SLC1A1: variants seen among roughly 807,000 people sequenced by gnomAD.
SLC1A1 encodes the protein solute carrier family 1 member 1, also known as excitatory amino acid transporter 3.
Under a neutral mutation model 53.3 loss-of-function variants are expected in SLC1A1, and 43 were observed. That is an observed-to-expected ratio of 0.81 (90% confidence interval 0.63 to 1.04). The LOEUF (loss-of-function observed/expected upper bound fraction) is 1.04. SLC1A1 is among the 50% of genes least tolerant of loss of function. The pLI, the probability that SLC1A1 is intolerant of heterozygous loss-of-function variation, is 0.00. For missense variants in SLC1A1, 748 were observed against 664.9 expected, an observed-to-expected ratio of 1.12 and a Z score of -1.37; for synonymous variants, 307 against 243.2, an observed-to-expected ratio of 1.26 and a Z score of -2.44.
intron 1 of SLC1A1, among the ~76,000 whole-genome samples, chr9:4,513,878 T>C (rs1821074545): frequency 1.3e-5 from 2 of 152,194 alleles, no homozygotes; most frequent in Admixed American, 1.3e-4. Context: ...AACATACCAT[T>C]GATACGTACA....
In SLC1A1 at chr9:4,490,666, T is replaced by C. The variant is rs747862122; in HGVS notation, c.-14T>C. On this transcript the variant is annotated 5_prime_UTR_variant, in exon 1 of 12. Coordinates refer to ENST00000262352, the MANE Select transcript of SLC1A1 (RefSeq NM_004170.6). ...GCGCACGGCCGAGCCCAGCGCACAATAGCGGCGACAGCCATGGGGAAACCG... is the reference window on the plus strand; with the variant it reads ...GCGCACGGCCGAGCCCAGCGCACAACAGCGGCGACAGCCATGGGGAAACCG... The C allele has an allele frequency of 2.5e-5, 41 of 1,610,108 alleles. 1 individual carries two copies. In the South Asian group the frequency reaches 4.2e-4, roughly 16 times the overall value.
intron 2 of SLC1A1, among the ~76,000 whole-genome samples, chr9:4,561,049 G>A (rs990715547): frequency 6.6e-6 from 1 of 152,136 alleles, no homozygotes; most frequent in Non-Finnish European, 1.5e-5. Flanking sequence ...AGTTCTTTGA[G>A]ATAAATTTTT....
chr9:4,540,601 C>T (rs1282144214), intron 1 of SLC1A1, among the ~76,000 whole-genome samples: 3 of 152,156 alleles, frequency 2.0e-5, no homozygotes, highest in Non-Finnish European at 2.9e-5. Flanking sequence ...CCAGCTGATG[C>T]CCAGAAGCAC....
At position 4,583,002 on chromosome 9, in the gene SLC1A1, G is replaced by C. The variant is rs111795239; in HGVS notation, c.1194-36G>C. On this transcript the variant is annotated intron_variant, in intron 10 of 11. Transcript: ENST00000262352. This position sits in a 1 kb window ranked among gnomAD's most constrained non-coding sequence, Gnocchi z 4.6. ...GCCAGGGCTTTAACGGGAGAGGTAAGTGTCTAACTCCTTTCCTGCTGGTAT... is the reference window on the plus strand; with the variant it reads ...GCCAGGGCTTTAACGGGAGAGGTAACTGTCTAACTCCTTTCCTGCTGGTAT... 5.6e-6 allele frequency: 9 copies of C among 1,614,030 alleles called. No homozygotes were observed. In the African/African-American group the frequency reaches 1.1e-4, roughly 19 times the overall value.
chr9:4,507,585 G>T (rs1162594519), intron 1 of SLC1A1, among the ~76,000 whole-genome samples: 1 of 152,184 alleles, frequency 6.6e-6, no homozygotes, highest in African/African-American at 2.4e-5. Context: ...AGAGAAGGGT[G>T]AACAGTTAGC....
At chr9:4,570,156 C>T (rs1564054247) in intron 6 of SLC1A1, among the ~76,000 whole-genome samples, 1 of 152,146 alleles carries the variant, frequency 6.6e-6, no homozygotes, top group Non-Finnish European at 1.5e-5. Context: ...CATTCATGTC[C>T]CACTCTTCAT....
At position 4,536,607 on chromosome 9, in the gene SLC1A1, A is replaced by G. The variant is rs185772184; in HGVS notation, c.92-7960A>G. 2.8e-3 allele frequency among the ~76,000 whole-genome samples: 420 copies of G among 152,364 alleles called. 2 individuals are homozygous for G. Among genetic ancestry groups the G allele is most frequent in the African/African-American group, 9.8e-3 (406 of 41,594 alleles). On this transcript the variant is annotated intron_variant, in intron 1 of 11. Transcript: ENST00000262352. ...TACACTGTTGGTGGGACTGTAAACC[A>G]GTTCAACCATTGTGGAAGTCAGTGT...
chr9:4,496,352 A>T (rs901204876), intron 1 of SLC1A1, among the ~76,000 whole-genome samples: 2 of 151,966 alleles, frequency 1.3e-5, no homozygotes, highest in Non-Finnish European at 2.9e-5. Flanking sequence ...GAATTCAGAG[A>T]AAGTGGAAGT....
Position 4,564,326 on chromosome 9 carries a change from C to A in SLC1A1, c.326-18C>A. The A allele has an allele frequency of 6.4e-7, 1 of 1,567,558 alleles. No homozygotes were observed. The highest frequency in any genetic ancestry group is 8.8e-7 in the Non-Finnish European group (1 of 1,139,564). ...TGGAAGGTTCCTAATGCTCTGTGGA[C>A]GCTGTTCTTGGCCACAGGTATTGTG... On this transcript the variant is annotated intron_variant, in intron 3 of 11. Coordinates refer to ENST00000262352, the MANE Select transcript of SLC1A1 (RefSeq NM_004170.6).
intron 1 of SLC1A1, among the ~76,000 whole-genome samples, chr9:4,532,831 C>A (rs1284943585): frequency 7.2e-5 from 11 of 152,112 alleles, no homozygotes; most frequent in Admixed American, 5.9e-4. Flanking sequence ...GGGTTACCCA[C>A]AAAGGGAAGC....
intron 1 of SLC1A1, among the ~76,000 whole-genome samples, chr9:4,518,263 T>C (rs1353957440): frequency 1.5e-5 from 2 of 134,992 alleles, no homozygotes; most frequent in African/African-American, 5.4e-5. Flanking sequence ...AAAAAAAGAA[T>C]GAAGTCCTTA....
intron 1 of SLC1A1, among the ~76,000 whole-genome samples, chr9:4,527,243 C>T (rs1011789091): frequency 6.6e-6 from 1 of 152,174 alleles, no homozygotes; most frequent in Admixed American, 6.5e-5. Flanking sequence ...GGAAGGAATA[C>T]AGCCTAATTG....
intron 1 of SLC1A1, among the ~76,000 whole-genome samples, chr9:4,532,363 C>G (rs1257618294): frequency 4.6e-5 from 7 of 151,874 alleles, no homozygotes; most frequent in African/African-American, 1.7e-4. Flanking sequence ...CAGAGAAGTC[C>G]TTAAAGGACC....
chr9:4,536,910 G>A (rs1212722190), intron 1 of SLC1A1, among the ~76,000 whole-genome samples: 1 of 151,866 alleles, frequency 6.6e-6, no homozygotes, highest in Non-Finnish European at 1.5e-5. Context: ...GTATGAAGCT[G>A]GAAACCATCA....
intron 1 of SLC1A1, among the ~76,000 whole-genome samples, chr9:4,499,934 G>A (rs541637107): frequency 6.6e-6 from 1 of 152,324 alleles, no homozygotes; most frequent in South Asian, 2.1e-4. Flanking sequence ...GGTAAAGCCT[G>A]GGTTATGTCA....
At chr9:4,521,198 T>G (rs779715298) in intron 1 of SLC1A1, among the ~76,000 whole-genome samples, 9 of 152,272 alleles carry the variant, frequency 5.9e-5, no homozygotes, top group Non-Finnish European at 1.2e-4. Context: ...CACACTTCTC[T>G]TTTTTGAATA....
At chr9:4,577,260 T>C (rs1368828122) in intron 10 of SLC1A1, among the ~76,000 whole-genome samples, 3 of 152,146 alleles carry the variant, frequency 2.0e-5, no homozygotes, top group African/African-American at 7.2e-5. Flanking sequence ...AAAGAAAAGC[T>C]AGGAGCATTT....
rs1291858529 is a variant in SLC1A1 at position 4,498,506 on chromosome 9, T to C, written c.91+7736T>C. ...GTTCCTATATCCTCAAAACCAGTGA[T>C]TTCCACAACAATAATCAGTTTGACA... On this transcript the variant is annotated intron_variant, in intron 1 of 11. Coordinates refer to ENST00000262352, the MANE Select transcript of SLC1A1 (RefSeq NM_004170.6). Among the ~76,000 whole-genome samples the C allele has an allele frequency of 4.0e-5, 6 of 151,376 alleles. No individual in the cohort carries two copies. In the Admixed American group the frequency reaches 4.0e-4, roughly 10 times the overall value.
At chr9:4,521,411 T>A (rs748210448) in intron 1 of SLC1A1, among the ~76,000 whole-genome samples, 1 of 152,080 alleles carries the variant, frequency 6.6e-6, no homozygotes, top group Non-Finnish European at 1.5e-5. Flanking sequence ...CCTGCATTAA[T>A]CCCCTCTGCC....
Sources: allele counts gnomAD v4.1 joint callset (sites outside exome capture counted in the v4.1 genomes callset), GRCh38; gene constraint gnomAD v4.1.1; non-coding constraint Gnocchi (gnomAD v3.1); transcripts MANE v1.5; gene names NCBI Gene and HGNC (gene_info 2026-07-23, HGNC 2026-07-21).